Variants in TSPAN5 observed in about 807,000 individuals in gnomAD.
The protein encoded by TSPAN5 is tetraspanin-5.
TSPAN5 carries 10 observed loss-of-function variants against 37.1 expected under a neutral mutation model. That is an observed-to-expected ratio of 0.27 (90% confidence interval 0.17 to 0.46). The LOEUF (loss-of-function observed/expected upper bound fraction) is 0.46, where lower values mean the gene tolerates loss of function less well. Ranked by LOEUF, TSPAN5 falls within the 20% of genes least tolerant of loss-of-function variation. The pLI, the probability that TSPAN5 is intolerant of heterozygous loss-of-function variation, is 1.00. For synonymous variants in TSPAN5, 110 were observed against 118.9 expected (o/e 0.93, Z 0.48); for missense variants, 195 against 326.6 (o/e 0.60, Z 3.11).
At chr4:98,561,219 G>A (rs1355587455) in intron 1 of TSPAN5, among the ~76,000 whole-genome samples, 1 of 152,244 alleles carries the variant, frequency 6.6e-6, no homozygotes, top group Non-Finnish European at 1.5e-5. Context: ...AATGGGGCTA[G>A]CAGAGCCATA....
chr4:98,632,722 G>A (rs1353239050), intron 1 of TSPAN5, among the ~76,000 whole-genome samples: 1 of 152,148 alleles, frequency 6.6e-6, no homozygotes, highest in Non-Finnish European at 1.5e-5. Context: ...TATGATGTAT[G>A]CTCTGAAGGA....
At chr4:98,613,777 G>A (rs4699661) in intron 1 of TSPAN5, among the ~76,000 whole-genome samples, 39,440 of 151,810 alleles carry the variant, frequency 0.26, 5,642 homozygotes, top group South Asian at 0.45. Context: ...TTGATATTGA[G>A]GGTGGGGAAT....
At chr4:98,589,544 G>A (rs1195064977) in intron 1 of TSPAN5, among the ~76,000 whole-genome samples, 1 of 152,168 alleles carries the variant, frequency 6.6e-6, no homozygotes, top group Non-Finnish European at 1.5e-5. Context: ...GGCATGAGGG[G>A]CACCTTTCTT....
At chr4:98,535,825 G>A (rs1034084156) in intron 1 of TSPAN5, among the ~76,000 whole-genome samples, 7 of 151,738 alleles carry the variant, frequency 4.6e-5, no homozygotes, top group Non-Finnish European at 8.8e-5. Context: ...TGATTGATTC[G>A]GCTGTTGATA....
At chr4:98,476,113 G>A (rs1167101232) in intron 7 of TSPAN5, 76 bp downstream of exon 7, 9 of 1,148,912 alleles carry the variant, frequency 7.8e-6, no homozygotes, top group Non-Finnish European at 1.2e-5. Context: ...AGGTTTTTAA[G>A]CAAAGCTCCG....
chr4:98,609,890 C>T (rs2110232752), intron 1 of TSPAN5, among the ~76,000 whole-genome samples: 1 of 152,256 alleles, frequency 6.6e-6, no homozygotes, highest in East Asian at 1.9e-4. Context: ...AAAGGTAAGT[C>T]AGAGGCTGCC....
At chr4:98,503,426 T>G (rs1036116875) in intron 2 of TSPAN5, among the ~76,000 whole-genome samples, 11 of 151,914 alleles carry the variant, frequency 7.2e-5, no homozygotes, top group African/African-American at 2.7e-4. Flanking sequence ...AAGCAGATGT[T>G]TAGCCTGGAA....
chr4:98,608,228 T>G (rs756837338), intron 1 of TSPAN5, among the ~76,000 whole-genome samples: 1 of 152,206 alleles, frequency 6.6e-6, no homozygotes, highest in Non-Finnish European at 1.5e-5. Context: ...AAGATACTTA[T>G]GATAGGAATT....
chr4:98,492,544 C>T (rs565990325), intron 2 of TSPAN5, among the ~76,000 whole-genome samples: 18 of 152,168 alleles, frequency 1.2e-4, no homozygotes, highest in Non-Finnish European at 2.1e-4. Flanking sequence ...TTCAGTCCTC[C>T]ATGCACGTAA....
chr4:98,510,685 T>C (rs1753583836), intron 1 of TSPAN5, among the ~76,000 whole-genome samples: 2 of 152,230 alleles, frequency 1.3e-5, no homozygotes, highest in Non-Finnish European at 2.9e-5. Flanking sequence ...ATTTCCTTTA[T>C]AATCTTGCTC....
chr4:98,474,110 C>A (rs1271284179), intron 7 of TSPAN5, among the ~76,000 whole-genome samples: 1 of 152,192 alleles, frequency 6.6e-6, no homozygotes, highest in Non-Finnish European at 1.5e-5. Flanking sequence ...TAAGAAGACA[C>A]TGCTTAATCC....
At chr4:98,510,884 G>A (rs1036136434) in intron 1 of TSPAN5, among the ~76,000 whole-genome samples, 2 of 152,170 alleles carry the variant, frequency 1.3e-5, no homozygotes, top group Non-Finnish European at 2.9e-5. Context: ...CAGACCATAT[G>A]TTTTGTTTTA....
chr4:98,582,084 G>C (rs1240903825), intron 1 of TSPAN5, among the ~76,000 whole-genome samples: 9 of 152,202 alleles, frequency 5.9e-5, no homozygotes, highest in Non-Finnish European at 1.3e-4. Context: ...GAGGCCCCGA[G>C]TTTTGGCATG....
At chr4:98,585,113 A>C (rs1285988105) in intron 1 of TSPAN5, among the ~76,000 whole-genome samples, 1 of 152,190 alleles carries the variant, frequency 6.6e-6, no homozygotes, top group African/African-American at 2.4e-5. Flanking sequence ...CAAAAAACCT[A>C]ATTTTTAAAA....
intron 7 of TSPAN5, among the ~76,000 whole-genome samples, chr4:98,474,722 A>G (rs931320926): frequency 6.6e-6 from 1 of 152,084 alleles, no homozygotes; most frequent in Non-Finnish European, 1.5e-5. Context: ...CACCCAGGTT[A>G]GAGTGCAGTT....
At chr4:98,517,814 A>G (rs972013226) in intron 1 of TSPAN5, among the ~76,000 whole-genome samples, 6 of 152,332 alleles carry the variant, frequency 3.9e-5, no homozygotes, top group African/African-American at 1.4e-4. Context: ...TCTCAGTAAA[A>G]GAAAGGCTTG....
intron 1 of TSPAN5, among the ~76,000 whole-genome samples, chr4:98,626,764 C>G (rs752757839): frequency 2.0e-5 from 3 of 152,080 alleles, no homozygotes; most frequent in Non-Finnish European, 4.4e-5. Context: ...CCTTTTCCTG[C>G]CTGATTCGAT....
At chr4:98,651,979 T>C (rs1318307330) in intron 1 of TSPAN5, among the ~76,000 whole-genome samples, 2 of 150,566 alleles carry the variant, frequency 1.3e-5, no homozygotes, top group Non-Finnish European at 2.9e-5. Flanking sequence ...GCCTCCCAAG[T>C]GGCTGGGACT....
chr4:98,632,228 CAG>C (rs1560567533), intron 1 of TSPAN5, among the ~76,000 whole-genome samples: 2 of 152,154 alleles, frequency 1.3e-5, no homozygotes, highest in African/African-American at 4.8e-5. Context: ...CCCAGGTGCA[CAG>C]AGAGTGTTCT....
Sources: gnomAD v4.1 joint callset for allele counts (sites outside exome capture counted in the v4.1 genomes callset) on GRCh38, gnomAD v4.1.1 for gene constraint, MANE v1.5 for transcripts, NCBI Gene and HGNC (gene_info 2026-07-23, HGNC 2026-07-21) for gene names.